Variants in TFEB observed in about 807,000 individuals in gnomAD.
The protein encoded by TFEB is transcription factor EB.
Under a neutral mutation model 48.0 loss-of-function variants are expected in TFEB, and 12 were observed. That is an observed-to-expected ratio of 0.25 (90% CI 0.16 to 0.40). The LOEUF is 0.40. TFEB is among the 10% of genes least tolerant of loss of function. The pLI is 1.00. For synonymous variants in TFEB, 244 were observed against 261.4 expected (o/e 0.93, Z 0.64); for missense variants, 509 against 640.3 (o/e 0.79, Z 2.21).
At chr6:41,714,142 T>TGCATGC (rs1770615397) in intron 1 of TFEB, among the ~76,000 whole-genome samples, 2 of 65,796 alleles carry the variant, frequency 3.0e-5, no homozygotes, top group African/African-American at 1.1e-4. Flanking sequence ...CATGTGTGCG[T>TGCATGC]GTGTGTGCAT....
Position 41,685,031 on chromosome 6 carries a change from C to T in TFEB, c.999G>A (p.Pro333=), listed in dbSNP as rs755671664. The T allele has an allele frequency of 4.8e-5, 71 of 1,491,868 alleles. No homozygotes were observed. The highest frequency in any genetic ancestry group is 9.9e-5 in the East Asian group (4 of 40,256). 92.4% of individuals were successfully genotyped at this position (1,491,868 alleles called of 1,614,324 possible). Residue 333 remains proline, a synonymous_variant, in exon 9 of 9, where the codon CCG becomes CCA. Transcript: ENST00000373033. ...CCAGCTCAGCCATGTTCATGCCGGA[C>T]GGGGAGGTGGTAGGGAGGCCGTGCA... ...ARVHGLPTTS[P]SGMNMAELAQ...
upstream of TFEB, chr6:41,736,002 G>T: frequency 2.9e-6 from 3 of 1,035,122 alleles, no homozygotes; most frequent in East Asian, 7.2e-5. Context: ...CAGGAGTAGG[G>T]TGCAGGACCT....
intron 1 of TFEB, among the ~76,000 whole-genome samples, chr6:41,717,137 T>G (rs1770771948): frequency 6.6e-6 from 1 of 152,084 alleles, no homozygotes; most frequent in Non-Finnish European, 1.5e-5. Flanking sequence ...GCCCCCCAGC[T>G]CGAAAATCGT....
At position 41,714,091 on chromosome 6, in the gene TFEB, G is replaced by A. The variant is rs1770602489; in HGVS notation, c.-23+21259C>T. 2.0e-5 allele frequency among the ~76,000 whole-genome samples: 3 copies of A among 151,350 alleles called. No individual in the cohort carries two copies. The Admixed American group carries it at 2.0e-4, about 10-fold the overall frequency. On this transcript the variant is annotated intron_variant, in intron 1 of 8. Transcript: ENST00000373033. ...CCAAGACCACTGCACTGAGTCCTGTGTGTGCGTGTGTGTGTGCACGTGTGT... is the reference window on the plus strand; with the variant it reads ...CCAAGACCACTGCACTGAGTCCTGTATGTGCGTGTGTGTGTGCACGTGTGT...
intron 8 of TFEB, 79 bp from the exon 9 acceptor site, chr6:41,685,157 A>G: frequency 1.5e-6 from 2 of 1,370,150 alleles, no homozygotes; most frequent in African/African-American, 1.5e-5. Flanking sequence ...GGCCTCTATC[A>G]CAGCACTTGC....
At chr6:41,688,778 G>C (rs2127447191) in intron 4 of TFEB, among the ~76,000 whole-genome samples, 1 of 152,328 alleles carries the variant, frequency 6.6e-6, no homozygotes, top group South Asian at 2.1e-4. Context: ...ACCAGTCCCG[G>C]CCAGCTCCTA....
chr6:41,733,756 T>G (rs1581944621), intron 1 of TFEB: 1 of 984,948 alleles, frequency 1.0e-6, no homozygotes, highest in Non-Finnish European at 1.2e-6. Flanking sequence ...TTGCTGGCTG[T>G]CCCTCCCCGG....
At chr6:41,696,116 A>C (rs1000371186) in intron 1 of TFEB, among the ~76,000 whole-genome samples, 60 of 152,244 alleles carry the variant, frequency 3.9e-4, no homozygotes, top group Non-Finnish European at 7.3e-4. Flanking sequence ...TTCTGAGGGG[A>C]GTACCATCTT....
intron 1 of TFEB, among the ~76,000 whole-genome samples, chr6:41,717,819 T>C (rs1165186489): frequency 1.3e-5 from 2 of 152,220 alleles, no homozygotes; most frequent in South Asian, 4.1e-4. Flanking sequence ...GCAAGGAGTC[T>C]GGCCCTAGCT....
At chr6:41,698,731 C>A (rs72865439) in intron 1 of TFEB, among the ~76,000 whole-genome samples, 1 of 152,080 alleles carries the variant, frequency 6.6e-6, no homozygotes, top group Admixed American at 6.5e-5. Flanking sequence ...TGAACAGGTT[C>A]GAGATTCCTG....
At chr6:41,716,033 G>A (rs748426782) in intron 1 of TFEB, among the ~76,000 whole-genome samples, 3 of 152,168 alleles carry the variant, frequency 2.0e-5, no homozygotes, top group East Asian at 1.9e-4. Flanking sequence ...TGTCACATAC[G>A]GAGCTTCTCA....
intron 1 of TFEB, among the ~76,000 whole-genome samples, chr6:41,703,870 G>A (rs1770065576): frequency 6.6e-6 from 1 of 152,178 alleles, no homozygotes; most frequent in East Asian, 1.9e-4. Context: ...TACAGAGGGG[G>A]CAACTGAGTC....
At chr6:41,692,381 G>A (rs1769361125) in intron 1 of TFEB, among the ~76,000 whole-genome samples, 1 of 152,232 alleles carries the variant, frequency 6.6e-6, no homozygotes. Flanking sequence ...CTGAGCTCAT[G>A]GAGCCTACAG....
At chr6:41,710,078 A>G (rs1029403043) in intron 1 of TFEB, among the ~76,000 whole-genome samples, 1 of 152,180 alleles carries the variant, frequency 6.6e-6, no homozygotes, top group South Asian at 2.1e-4. Context: ...TAAATTTATA[A>G]ACGAGAAAAT....
Position 41,734,415 on chromosome 6 carries a change from G to T in TFEB, c.-23+935C>A, listed in dbSNP as rs1223878774. 1 of 983,186 alleles carries T rather than the reference G, an allele frequency of 1.0e-6. No individual in the cohort carries two copies. The highest frequency in any genetic ancestry group is 1.2e-6 in the Non-Finnish European group (1 of 828,008). The allele number at this position is 983,186 out of a possible 1,614,324, so 60.9% of individuals were successfully genotyped here. ...CGTGCGTGAAGCCGGAACCCCGCGC[G>T]GGGAGGGGGCCGAGCTGGCATCTGC... On this transcript the variant is annotated intron_variant, in intron 1 of 8. Transcript: ENST00000373033. The surrounding 1 kb of genome is among the most constrained non-coding windows in gnomAD (Gnocchi z 4.0).
At position 41,687,141 on chromosome 6, in the gene TFEB, A is replaced by G. The variant is rs1769051088; in HGVS notation, c.756T>C (p.Asn252=). The change falls in exon 7 of 9, where the codon AAT becomes AAC. Residue 252 remains asparagine (N), a synonymous_variant. Transcript: ENST00000373033. ...GCATTCCCAACTCCTTGATGCGGTCATTGATGTTGAACCTTCGTCTCCTTT... is the reference window on the plus strand; with the variant it reads ...GCATTCCCAACTCCTTGATGCGGTCGTTGATGTTGAACCTTCGTCTCCTTT... ...LIERRRRFNI[N]DRIKELGMLI... The G allele has an allele frequency of 6.2e-7, 1 of 1,614,052 alleles. No homozygotes were observed. Among genetic ancestry groups the G allele is most frequent in the African/African-American group, 1.3e-5 (1 of 74,924 alleles).
intron 1 of TFEB, among the ~76,000 whole-genome samples, chr6:41,716,967 A>G (rs1377377564): frequency 6.6e-6 from 1 of 152,192 alleles, no homozygotes; most frequent in Non-Finnish European, 1.5e-5. Flanking sequence ...ATCACAAGCC[A>G]GGTGACCGGC....
upstream of TFEB, chr6:41,736,091 G>T: frequency 1.9e-6 from 3 of 1,610,226 alleles, no homozygotes; most frequent in African/African-American, 1.3e-5. Flanking sequence ...GGTAAAATAT[G>T]ACAGTAGAAG....
rs867803749 is a variant in TFEB, at chr6:41,688,131, G to A, written c.550-103C>T. On this transcript the variant is annotated intron_variant, in intron 4 of 8. Coordinates refer to ENST00000373033, the MANE Select transcript of TFEB (RefSeq NM_001271944.2). ...GGAGCAGTCCTTCCTGGGGACACCT[G>A]GAGTGTCAAAATTCACCTTGGGCCC... 6.3e-6 allele frequency: 9 copies of A among 1,424,688 alleles called. No individual in the cohort carries two copies. In the Middle Eastern group the frequency reaches 7.8e-4, roughly 124 times the overall value. 88.3% of individuals were successfully genotyped at this position (1,424,688 alleles called of 1,614,324 possible).
Sources: allele counts gnomAD v4.1 joint callset (sites outside exome capture counted in the v4.1 genomes callset), GRCh38; gene constraint gnomAD v4.1.1; non-coding constraint Gnocchi (gnomAD v3.1); transcripts MANE v1.5; gene names NCBI Gene and HGNC (gene_info 2026-07-23, HGNC 2026-07-21).